The following PRIM1 variants were observed in gnomAD, a reference collection of about 807,000 sequenced individuals.
PRIM1 encodes DNA primase small subunit.
Under a neutral mutation model 60.2 loss-of-function variants are expected in PRIM1, and 38 were observed. The ratio of observed to expected loss-of-function variants is 0.63; its 90% CI spans 0.49 to 0.83. The LOEUF (loss-of-function observed/expected upper bound fraction) is 0.83. PRIM1 is among the 40% of genes least tolerant of loss of function. The pLI, the probability that PRIM1 is intolerant of heterozygous loss-of-function variation, is 0.00. For synonymous variants in PRIM1, 158 were observed against 160.2 expected (o/e 0.99, Z 0.10); for missense variants, 388 against 506.2 (o/e 0.77, Z 2.24).
At chr12:56,734,778 T>TATATA (rs1555228415) in intron 11 of PRIM1, among the ~76,000 whole-genome samples, 153 of 140,282 alleles carry the variant, frequency 1.1e-3, no homozygotes, top group African/African-American at 3.8e-3. Flanking sequence ...TCTTTTATAT[T>TATATA]TATATATATA....
rs746495815 is a variant in PRIM1 at position 56,734,245 on chromosome 12, T to C, written c.1145A>G (p.Asp382Gly). Residue 382 changes from aspartate (D) to glycine (G), a missense_variant and splice_region_variant, in exon 12 of 13, where the codon GAT (aspartate) becomes GGT (glycine). This residue lies in a region of PRIM1 where 211 missense variants were observed against 277.9 expected (regional missense o/e 0.76). Transcript: ENST00000338193. ...AESDVKHRTR[D>G]YKKTSLAPYV... ...AGGTGCTAGACTGGTCTTCTTATAA[T>C]CTAAATTATGAAGAATGTACATTAT... 1 of 1,541,860 alleles carries C rather than the reference T, an allele frequency of 6.5e-7. No individual in the cohort carries two copies. The highest frequency in any genetic ancestry group is 2.3e-5 in the East Asian group (1 of 44,414).
At chr12:56,735,044 C>T (rs1019326330) in intron 11 of PRIM1, among the ~76,000 whole-genome samples, 1 of 151,854 alleles carries the variant, frequency 6.6e-6, no homozygotes, top group Non-Finnish European at 1.5e-5. Flanking sequence ...AACTCCTGAC[C>T]TCATGATTCA....
chr12:56,742,852 A>C, intron 7 of PRIM1, 135 bp downstream of exon 7: 1 of 645,672 alleles, frequency 1.5e-6, no homozygotes, highest in South Asian at 2.3e-5. Context: ...AAAATCCAGA[A>C]ATACAGGAGA....
intron 5 of PRIM1, 115 bp from the exon 6 acceptor site, chr12:56,744,238 C>T: frequency 1.4e-6 from 1 of 725,464 alleles, no homozygotes; most frequent in Non-Finnish European, 2.2e-6. Context: ...GGCACGGTGG[C>T]TCACACCTGT....
At chr12:56,746,486 C>T in intron 4 of PRIM1, 1 of 564,244 alleles carries the variant, frequency 1.8e-6, no homozygotes, top group Non-Finnish European at 3.2e-6. Context: ...CAAAAATTAA[C>T]TGGGCGTGGT....
intron 7 of PRIM1, chr12:56,742,158 C>G (rs1031420618): frequency 3.1e-6 from 1 of 317,902 alleles, no homozygotes; most frequent in African/African-American, 2.2e-5. Flanking sequence ...GAGGCTGAGG[C>G]AGGAAAATTG....
In PRIM1 at chr12:56,746,261, C is replaced by T. The variant is rs966513709; in HGVS notation, c.443-80G>A. On this transcript the variant is annotated intron_variant, in intron 4 of 12. Coordinates refer to ENST00000338193, the MANE Select transcript of PRIM1 (RefSeq NM_000946.3). Reference sequence around the variant, plus strand: ...ATGTATATTAAATTACTTGTTGTTTCCTGTGCTCCCCATGTTCTTGCTTCA... The same window carrying T: ...ATGTATATTAAATTACTTGTTGTTTTCTGTGCTCCCCATGTTCTTGCTTCA... 6 of 1,434,468 alleles carry T rather than the reference C, an allele frequency of 4.2e-6. No individual in the cohort carries two copies. In the Admixed American group the frequency reaches 5.6e-5, roughly 13 times the overall value. The allele number at this position is 1,434,468 out of a possible 1,614,324, so 88.9% of individuals were successfully genotyped here. A position where few individuals can be genotyped will look rare whatever the true frequency, so the allele number is the denominator to read the frequency against.
At chr12:56,731,787 C>T in intron 12 of PRIM1, 53 bp from the exon 13 acceptor site, 1 of 1,379,496 alleles carries the variant, frequency 7.2e-7, no homozygotes, top group Non-Finnish European at 9.8e-7. Flanking sequence ...CAAAACAAAG[C>T]CCATTTACTT....
chr12:56,741,350 A>G, intron 9 of PRIM1, 85 bp downstream of exon 9: 2 of 1,333,800 alleles, frequency 1.5e-6, no homozygotes, highest in Non-Finnish European at 2.0e-6. Flanking sequence ...TAGACATTAT[A>G]TATATTCAGA....
At chr12:56,736,298 TAA>T (rs756452647) in intron 11 of PRIM1, among the ~76,000 whole-genome samples, 96 of 24,300 alleles carry the variant, frequency 4.0e-3, no homozygotes, top group South Asian at 0.011. Context: ...ACTCTTTCTC[TAA>T]AAAAAAAAAA....
At chr12:56,739,186 C>G (rs1382074884) in intron 10 of PRIM1, 108 bp downstream of exon 10, 2 of 828,392 alleles carry the variant, frequency 2.4e-6, no homozygotes, top group African/African-American at 3.5e-5. Flanking sequence ...TTTCCATAAC[C>G]AAATATACCA....
At chr12:56,735,776 G>A (rs987715473) in intron 11 of PRIM1, among the ~76,000 whole-genome samples, 16 of 150,572 alleles carry the variant, frequency 1.1e-4, no homozygotes, top group East Asian at 4.0e-4. Context: ...TCAGCCTCCC[G>A]AGTAGCTAGG....
intron 6 of PRIM1, 90 bp downstream of exon 6, chr12:56,743,975 C>G: frequency 1.2e-6 from 1 of 856,434 alleles, no homozygotes; most frequent in South Asian, 1.7e-5. Context: ...AAAATGCTAC[C>G]CAGCAGTGAA....
chr12:56,750,424 T>C (rs778850487), intron 2 of PRIM1, among the ~76,000 whole-genome samples: 8 of 151,952 alleles, frequency 5.3e-5, no homozygotes, highest in Admixed American at 2.0e-4. Flanking sequence ...ACTCCAGGGG[T>C]ATGAAGGAAA....
intron 10 of PRIM1, 90 bp from the exon 11 acceptor site, chr12:56,738,615 G>T (rs933995383): frequency 1.5e-6 from 2 of 1,367,490 alleles, no homozygotes; most frequent in African/African-American, 2.9e-5. Context: ...GTGGTGGTGC[G>T]ATCTTGGCTC....
chr12:56,737,245 T>TC (rs1225461285), intron 11 of PRIM1, among the ~76,000 whole-genome samples: 1 of 152,060 alleles, frequency 6.6e-6, no homozygotes, highest in African/African-American at 2.4e-5. Flanking sequence ...CCTGGAACCA[T>TC]CCCCAACTCC....
chr12:56,735,915 T>G (rs1044481373), intron 11 of PRIM1, among the ~76,000 whole-genome samples: 10 of 152,002 alleles, frequency 6.6e-5, no homozygotes, highest in Non-Finnish European at 1.0e-4. Context: ...GCTCCCAAAG[T>G]GCTGGGCCTA....
chr12:56,746,283 T>C, intron 4 of PRIM1, 102 bp from the exon 5 acceptor site: 8 of 1,331,658 alleles, frequency 6.0e-6, no homozygotes, highest in Non-Finnish European at 8.4e-6. Context: ...ATGTTCTTGC[T>C]TCATCTCTTT....
In PRIM1 at chr12:56,746,843, A is replaced by G; in HGVS notation, c.380T>C (p.Ile127Thr). The G allele has an allele frequency of 6.2e-7, 1 of 1,613,916 alleles. No homozygotes were observed. Among genetic ancestry groups the G allele is most frequent in the South Asian group, 1.1e-5 (1 of 91,066 alleles). The change falls in exon 4 of 13, where the codon ATA becomes ACA. Residue 127 changes from isoleucine (I) to threonine (T), a missense_variant. Ile to Thr is a moderately conservative substitution (Grantham distance 89). Around this residue, in one of 3 missense-constraint regions of PRIM1, gnomAD observed 156 missense variants for 175.8 expected, o/e 0.89. Transcript: ENST00000338193. ...DVRRCCSSAD[I>T]CPKCWTLMTM... ...CATGAGGGTCCAGCACTTAGGACAT[A>G]TGTCTGCAGAACTAAAGCAGAGTCA...
Sources: gnomAD v4.1 joint callset for allele counts (sites outside exome capture counted in the v4.1 genomes callset) on GRCh38, gnomAD v4.1.1 for gene constraint, gnomAD v4.1.1 regional missense constraint, MANE v1.5 for transcripts, NCBI Gene and HGNC (gene_info 2026-07-23, HGNC 2026-07-21) for gene names.